CAPN5: variants seen among roughly 807,000 people sequenced by gnomAD.
CAPN5 encodes calpain-5.
In CAPN5, 54 loss-of-function variants were observed where a neutral mutation model predicts 73.0. The observed-to-expected ratio is 0.74, with a 90% CI of 0.59 to 0.93. CAPN5 has a LOEUF of 0.93. Among genes scored for constraint, CAPN5 ranks in the 40% least tolerant of loss-of-function variants. The pLI is 0.00. For synonymous variants in CAPN5, 335 were observed against 356.9 expected (o/e 0.94, Z 0.69); for missense variants, 785 against 882.9 (o/e 0.89, Z 1.41).
At chr11:77,119,244 C>G (rs1950499631) in intron 9 of CAPN5, 92 bp downstream of exon 9, 1 of 1,393,628 alleles carries the variant, frequency 7.2e-7, no homozygotes, top group Admixed American at 2.1e-5. Flanking sequence ...CTCTAGAACA[C>G]CTTGGTCACT....
chr11:77,107,069 T>TC (rs1950358202), intron 3 of CAPN5, among the ~76,000 whole-genome samples: 1 of 152,152 alleles, frequency 6.6e-6, no homozygotes, highest in Non-Finnish European at 1.5e-5. Flanking sequence ...CCGTGGCCAC[T>TC]CTGTGGTGCA....
chr11:77,079,969 A>G (rs56937577), intron 1 of CAPN5, among the ~76,000 whole-genome samples: 22,197 of 152,102 alleles, frequency 0.15, 3,141 homozygotes, highest in African/African-American at 0.37. Context: ...GTTCTTTTCT[A>G]AAAGCATTAT....
At chr11:77,073,073 CA>C in intron 1 of CAPN5, 1 of 1,289,694 alleles carries the variant, frequency 7.8e-7, no homozygotes, top group South Asian at 1.2e-5. Context: ...CAGGGACGCC[CA>C]GCTGTATCTA....
intron 1 of CAPN5, among the ~76,000 whole-genome samples, chr11:77,074,865 C>T (rs886605471): frequency 6.6e-6 from 1 of 152,204 alleles, no homozygotes; most frequent in African/African-American, 2.4e-5. Context: ...CTGCATTCTC[C>T]CTTCACCCCC....
chr11:77,089,580 T>C (rs1565262158), intron 2 of CAPN5, among the ~76,000 whole-genome samples: 1 of 152,256 alleles, frequency 6.6e-6, no homozygotes, highest in East Asian at 1.9e-4. Context: ...CATTGCTATC[T>C]AGTGAGACAC....
chr11:77,082,486 G>A (rs1034925422), intron 1 of CAPN5, among the ~76,000 whole-genome samples: 9 of 152,340 alleles, frequency 5.9e-5, no homozygotes, highest in African/African-American at 2.2e-4. Flanking sequence ...TGACCCTGTC[G>A]GGGTGTTGGC....
chr11:77,102,713 G>A, intron 3 of CAPN5: 1 of 1,150,380 alleles, frequency 8.7e-7, no homozygotes, highest in Non-Finnish European at 1.2e-6. Context: ...AAGAGCCAGT[G>A]GCAAAGGGAG....
intron 3 of CAPN5, among the ~76,000 whole-genome samples, chr11:77,110,059 C>G (rs1413674477): frequency 1.3e-5 from 2 of 152,052 alleles, no homozygotes; most frequent in Non-Finnish European, 2.9e-5. Context: ...TCTTTCTGGA[C>G]CTCAGTCTTC....
intron 3 of CAPN5, among the ~76,000 whole-genome samples, chr11:77,099,978 A>G (rs1950267814): frequency 6.6e-6 from 1 of 151,996 alleles, no homozygotes; most frequent in African/African-American, 2.4e-5. Flanking sequence ...CTGGGATTAC[A>G]GGCGCCTGCC....
chr11:77,103,695 G>T (rs1950314272), intron 3 of CAPN5, among the ~76,000 whole-genome samples: 1 of 152,198 alleles, frequency 6.6e-6, no homozygotes, highest in Non-Finnish European at 1.5e-5. Context: ...CACAGAGACA[G>T]AGATTGAAAA....
intron 3 of CAPN5, among the ~76,000 whole-genome samples, chr11:77,102,319 G>A (rs910907362): frequency 2.0e-5 from 3 of 152,114 alleles, no homozygotes; most frequent in East Asian, 3.8e-4. Context: ...GGAGGCGGGC[G>A]TCAGGGGTAG....
chr11:77,090,709 T>C (rs1950139688), intron 2 of CAPN5, among the ~76,000 whole-genome samples: 1 of 152,174 alleles, frequency 6.6e-6, no homozygotes, highest in Non-Finnish European at 1.5e-5. Flanking sequence ...TGTTTCTCTT[T>C]CCATGGCATG....
chr11:77,103,294 C>A (rs782633233), intron 3 of CAPN5: 1 of 1,612,446 alleles, frequency 6.2e-7, no homozygotes, highest in Non-Finnish European at 8.5e-7. Flanking sequence ...GTGGAGCCCG[C>A]CAACCTCAAG....
intron 3 of CAPN5, among the ~76,000 whole-genome samples, chr11:77,104,321 T>C (rs182232886): frequency 6.6e-6 from 1 of 152,224 alleles, no homozygotes; most frequent in Admixed American, 6.5e-5. Context: ...GGAGTCAGGC[T>C]CTTTAGAGCT....
At chr11:77,099,579 C>CGTG (rs1950261327) in intron 3 of CAPN5, among the ~76,000 whole-genome samples, 1 of 151,604 alleles carries the variant, frequency 6.6e-6, no homozygotes, top group Non-Finnish European at 1.5e-5. Context: ...ACCAGTCAGG[C>CGTG]GTGGTGGCGC....
intron 3 of CAPN5, among the ~76,000 whole-genome samples, chr11:77,099,930 G>A (rs12787274): frequency 0.16 from 24,907 of 151,958 alleles, 2,089 homozygotes; most frequent in Middle Eastern, 0.27. Context: ...TCCACCTCCC[G>A]GGTTCAAGTG....
chr11:77,068,970 C>G (rs957574628), intron 1 of CAPN5, among the ~76,000 whole-genome samples: 9 of 152,170 alleles, frequency 5.9e-5, no homozygotes, highest in Admixed American at 5.9e-4. Context: ...CCCAGGCCAG[C>G]ACTGTCTCTG....
rs1298057757 is a variant in CAPN5, at chr11:77,070,674, TTGG to T, written c.-36+3584_-36+3586del. ...TCACTGTTGCGACAAATTGCCACAC[TTGG>T]TGGCTGAAAACAACACAGATTTATG... is the stretch of plus-strand genomic sequence containing the variant. On this transcript the variant is annotated intron_variant, in intron 1 of 12. Transcript: ENST00000648180. Among the ~76,000 whole-genome samples the T allele has an allele frequency of 1.8e-4, 27 of 152,192 alleles. 1 individual carries two copies. The highest frequency in any genetic ancestry group is 4.4e-5 in the Non-Finnish European group (3 of 68,028).
intron 3 of CAPN5, among the ~76,000 whole-genome samples, chr11:77,109,144 G>A (rs1330782854): frequency 1.3e-5 from 2 of 152,164 alleles, no homozygotes; most frequent in African/African-American, 2.4e-5. Context: ...TCATTCGGGG[G>A]CACATCATGG....
Sources: allele counts gnomAD v4.1 joint callset (sites outside exome capture counted in the v4.1 genomes callset), GRCh38; gene constraint gnomAD v4.1.1; transcripts MANE v1.5; gene names NCBI Gene and HGNC (gene_info 2026-07-23, HGNC 2026-07-21).